The following ARID1B variants were observed in gnomAD, a reference collection of about 807,000 sequenced individuals.
ARID1B encodes AT-rich interaction domain 1B, also known as AT-rich interactive domain-containing protein 1B.
Under a neutral mutation model 212.3 loss-of-function variants are expected in ARID1B, and 30 were observed. That is an observed-to-expected ratio of 0.14 (90% confidence interval 0.11 to 0.19). ARID1B has a LOEUF of 0.19. ARID1B is among the 10% of genes least tolerant of loss of function. ARID1B has a pLI of 1.00. For missense variants in ARID1B, 2,891 were observed against 3,204.0 expected (o/e 0.90, Z 2.36); for synonymous variants, 1,402 against 1,301.7 (o/e 1.08, Z -1.66).
At chr6:157,004,718 A>G (rs373838281) in intron 4 of ARID1B, among the ~76,000 whole-genome samples, 13 of 151,992 alleles carry the variant, frequency 8.6e-5, no homozygotes, top group African/African-American at 2.9e-4. Flanking sequence ...GGCTGGAGTG[A>G]TTTTATTGCC....
intron 11 of ARID1B, among the ~76,000 whole-genome samples, chr6:157,177,878 C>G (rs1327128338): frequency 6.6e-6 from 1 of 152,188 alleles, no homozygotes; most frequent in Admixed American, 6.5e-5. Flanking sequence ...GTTTGTTTGC[C>G]TACTGTCAGT....
At chr6:157,153,056 A>C (rs1790319459) in intron 8 of ARID1B, among the ~76,000 whole-genome samples, 1 of 152,224 alleles carries the variant, frequency 6.6e-6, no homozygotes, top group Non-Finnish European at 1.5e-5. Flanking sequence ...TATGCTTCAG[A>C]TTTTCTCAGC....
intron 1 of ARID1B, among the ~76,000 whole-genome samples, chr6:156,797,371 A>G (rs147060732): frequency 2.6e-4 from 40 of 152,336 alleles, no homozygotes; most frequent in African/African-American, 8.7e-4. Context: ...CTGTAGATGA[A>G]TATGCAGTAA....
intron 8 of ARID1B, among the ~76,000 whole-genome samples, chr6:157,162,954 G>T (rs572737193): frequency 6.6e-6 from 1 of 152,280 alleles, no homozygotes; most frequent in South Asian, 2.1e-4. Flanking sequence ...CATGAAGCCC[G>T]CAGGCCCCCT....
chr6:156,897,968 A>G (rs539142088), intron 2 of ARID1B, among the ~76,000 whole-genome samples: 2 of 152,328 alleles, frequency 1.3e-5, no homozygotes, highest in African/African-American at 2.4e-5. Flanking sequence ...CCAGGAGCTT[A>G]TATTCTAGTG....
In ARID1B at chr6:157,001,377, A is replaced by C. The variant is rs190830669; in HGVS notation, c.2247+65801A>C. 1.1e-3 allele frequency among the ~76,000 whole-genome samples: 160 copies of C among 152,278 alleles called. 1 individual carries two copies. Among genetic ancestry groups the C allele is most frequent in the South Asian group, 2.1e-3 (10 of 4,814 alleles). On this transcript the variant is annotated intron_variant, in intron 4 of 19. Transcript: ENST00000636930. The stretch of plus-strand genomic sequence containing the variant: ...ACGTCCCCCTCAGTCTACCTGGATA[A>C]ATATGAGAAGTGCAGGCTTTCATCT...
intron 12 of ARID1B, among the ~76,000 whole-genome samples, chr6:157,182,879 C>G (rs1049457119): frequency 6.6e-6 from 1 of 152,164 alleles, no homozygotes; most frequent in Non-Finnish European, 1.5e-5. Flanking sequence ...GACCTTTCTC[C>G]CCTGCACCTA....
chr6:157,060,282 G>C (rs1783254700), intron 4 of ARID1B, among the ~76,000 whole-genome samples: 1 of 152,176 alleles, frequency 6.6e-6, no homozygotes, highest in Non-Finnish European at 1.5e-5. Context: ...GTAAAGCAGA[G>C]AGTGTTCAAT....
chr6:157,017,982 A>AAAG (rs1780007055), intron 4 of ARID1B, among the ~76,000 whole-genome samples: 1 of 149,154 alleles, frequency 6.7e-6, no homozygotes, highest in Non-Finnish European at 1.5e-5. Flanking sequence ...AAAAAAAAAA[A>AAAG]TTAGCTGGGC....
At position 156,778,906 on chromosome 6, in the gene ARID1B, GAGGAGGAGCAGGAGC is replaced by G. The variant is rs773423003; in HGVS notation, c.1242_1256del (p.Gly416_Gly420del). ...GGAGGCAGCGGAGGAGGAGGAGGAG[GAGGAGGAGCAGGAGC>G]AGGAGGAGCAGGAGCGGGAGCTGTG... On this transcript the variant is annotated inframe_deletion, in exon 1 of 20. Coordinates refer to ENST00000636930, the MANE Select transcript of ARID1B (RefSeq NM_001374828.1). 1.4e-3 allele frequency: 1,874 copies of G among 1,367,030 alleles called. 46 individuals are homozygous for G. The East Asian group carries it at 0.049, about 36-fold the overall frequency. The allele number at this position is 1,367,030 out of a possible 1,614,324, so 84.7% of individuals were successfully genotyped here.
At chr6:156,805,891 G>A (rs934039545) in intron 1 of ARID1B, among the ~76,000 whole-genome samples, 1 of 151,832 alleles carries the variant, frequency 6.6e-6, no homozygotes, top group African/African-American at 2.4e-5. Context: ...TGCCTAAACT[G>A]GTCTCAGAGT....
chr6:156,825,019 C>G (rs533060201), intron 1 of ARID1B, among the ~76,000 whole-genome samples: 11 of 152,200 alleles, frequency 7.2e-5, no homozygotes, highest in African/African-American at 2.6e-4. Flanking sequence ...TGCCCGCCAC[C>G]ATGCCTGGCT....
intron 6 of ARID1B, among the ~76,000 whole-genome samples, chr6:157,118,475 C>T (rs1453901354): frequency 6.6e-6 from 1 of 152,248 alleles, no homozygotes; most frequent in Non-Finnish European, 1.5e-5. Flanking sequence ...AATCTACCCT[C>T]ACCCCCAGAT....
chr6:157,087,847 G>C (rs1452552654), intron 5 of ARID1B, among the ~76,000 whole-genome samples: 1 of 151,544 alleles, frequency 6.6e-6, no homozygotes, highest in Non-Finnish European at 1.5e-5. Flanking sequence ...TTGAGCCTGA[G>C]AAGGTTAAGA....
chr6:156,893,976 ATATTTGTAAACCCC>A (rs1788169782), intron 2 of ARID1B, among the ~76,000 whole-genome samples: 1 of 152,150 alleles, frequency 6.6e-6, no homozygotes, highest in Non-Finnish European at 1.5e-5. Flanking sequence ...ATTCGACCAG[ATATTTGTAAACCCC>A]TATTCAGAGC....
At chr6:157,073,025 G>A (rs1017096042) in intron 4 of ARID1B, among the ~76,000 whole-genome samples, 7 of 151,776 alleles carry the variant, frequency 4.6e-5, no homozygotes, top group African/African-American at 1.7e-4. Context: ...ATAACTCTTT[G>A]CCTAATACAT....
intron 3 of ARID1B, among the ~76,000 whole-genome samples, chr6:156,927,171 T>A (rs1162724884): frequency 6.6e-6 from 1 of 152,214 alleles, no homozygotes; most frequent in East Asian, 1.9e-4. Flanking sequence ...TGTGGGGTAG[T>A]TTGAATCAGG....
In ARID1B at chr6:157,174,928, G is replaced by T; in HGVS notation, c.3427G>T (p.Ala1143Ser). 1 of 1,542,634 alleles carries T rather than the reference G, an allele frequency of 6.5e-7. No individual in the cohort carries two copies. The highest frequency in any genetic ancestry group is 1.4e-5 in the African/African-American group (1 of 70,940). The change falls in exon 11 of 20, where the codon GCT becomes TCT. Residue 1143 changes from alanine to serine, a missense_variant. Around this residue, in one of 7 missense-constraint regions of ARID1B, gnomAD observed 666 missense variants for 873.5 expected, o/e 0.76. Coordinates refer to ENST00000636930, the MANE Select transcript of ARID1B (RefSeq NM_001374828.1). ...PVPSPMSPSSASISSFHGDES... is the reference protein window; with the variant it reads ...PVPSPMSPSSSSISSFHGDES... ...CCCTTCCCCAATGTCCCCCAGCTCT[G>T]CTAGCATCTCCTCATTTCATGGAGA...
rs1235911089 is a variant in ARID1B at position 157,201,276 on chromosome 6, G to A, written c.5051G>A (p.Arg1684His). 14 of 1,613,852 alleles carry A rather than the reference G, an allele frequency of 8.7e-6. No homozygotes were observed. Among genetic ancestry groups the A allele is most frequent in the East Asian group, 2.2e-5 (1 of 44,876 alleles). ...GCGCCCAGCCCAGCGTCCTTCCAGC[G>A]CTCCCTGGAGAACCGCATGTCTCCA... ...SRAPSPASFQ[R>H]SLENRMSPSK... Residue 1684 changes from arginine to histidine, a missense_variant, in exon 18 of 20, where the codon CGC becomes CAC. Physicochemically the swap from Arg to His is conservative, Grantham distance 29. Coordinates refer to ENST00000636930, the MANE Select transcript of ARID1B (RefSeq NM_001374828.1). This position sits in a 1 kb window ranked among gnomAD's most constrained non-coding sequence, Gnocchi z 5.2.
Sources: gnomAD v4.1 joint callset for allele counts (sites outside exome capture counted in the v4.1 genomes callset) on GRCh38, gnomAD v4.1.1 for gene constraint, gnomAD v4.1.1 regional missense constraint, Gnocchi (gnomAD v3.1) non-coding constraint, MANE v1.5 for transcripts, NCBI Gene and HGNC (gene_info 2026-07-23, HGNC 2026-07-21) for gene names.